Variants in FAT4 observed in about 807,000 individuals in gnomAD.
The protein encoded by FAT4 is protocadherin Fat 4.
Under a neutral mutation model 303.9 loss-of-function variants are expected in FAT4, and 84 were observed. That is an observed-to-expected ratio of 0.28 (90% CI 0.23 to 0.33). FAT4 has a LOEUF of 0.33. Among genes scored for constraint, FAT4 ranks in the 10% least tolerant of loss-of-function variants. FAT4 has a pLI of 1.00. For synonymous variants in FAT4, 2,307 were observed against 2,298.8 expected (o/e 1.00, Z -0.10); for missense variants, 6,005 against 6,146.8 (o/e 0.98, Z 0.77).
At chr4:125,447,808 C>G (rs1341911768) in intron 9 of FAT4, among the ~76,000 whole-genome samples, 1 of 152,004 alleles carries the variant, frequency 6.6e-6, no homozygotes, top group South Asian at 2.1e-4. Flanking sequence ...AGTCCATTAT[C>G]CCTCAATTCT....
intron 7 of FAT4, among the ~76,000 whole-genome samples, chr4:125,432,331 C>G (rs938396916): frequency 2.0e-5 from 3 of 152,212 alleles, no homozygotes; most frequent in African/African-American, 7.2e-5. Flanking sequence ...ACTTTCTAAA[C>G]TTGAGCTTAC....
At chr4:125,443,625 C>T (rs1725733342) in intron 8 of FAT4, among the ~76,000 whole-genome samples, 1 of 152,086 alleles carries the variant, frequency 6.6e-6, no homozygotes, top group Non-Finnish European at 1.5e-5. Flanking sequence ...TAAATAAGAG[C>T]ATATATAAAT....
chr4:125,326,441 G>C (rs1319603194), intron 2 of FAT4, among the ~76,000 whole-genome samples: 2 of 151,964 alleles, frequency 1.3e-5, no homozygotes, highest in South Asian at 4.2e-4. Flanking sequence ...ATAATGATAA[G>C]TGCATAGTGA....
At chr4:125,366,285 T>TG (rs764685098) in intron 2 of FAT4, among the ~76,000 whole-genome samples, 1 of 152,150 alleles carries the variant, frequency 6.6e-6, no homozygotes, top group Admixed American at 6.6e-5. Flanking sequence ...CAGTATGTGT[T>TG]GTTCCCTTCT....
chr4:125,368,518 A>G (rs1361551964), intron 2 of FAT4, among the ~76,000 whole-genome samples: 5 of 128,144 alleles, frequency 3.9e-5, no homozygotes, highest in South Asian at 2.3e-4. Flanking sequence ...TATATTATAT[A>G]TATGTATATA....
At chr4:125,366,997 T>G (rs1197632330) in intron 2 of FAT4, among the ~76,000 whole-genome samples, 1 of 152,132 alleles carries the variant, frequency 6.6e-6, no homozygotes, top group East Asian at 1.9e-4. Flanking sequence ...ATGCTGGATA[T>G]TAGACCTTTG....
intron 7 of FAT4, among the ~76,000 whole-genome samples, chr4:125,427,275 A>G (rs893443788): frequency 9.2e-5 from 14 of 151,944 alleles, no homozygotes; most frequent in Non-Finnish European, 2.1e-4. Flanking sequence ...GTGATTAAGT[A>G]TATTCACTTT....
At chr4:125,438,346 T>C (rs1185287945) in intron 8 of FAT4, among the ~76,000 whole-genome samples, 1 of 152,218 alleles carries the variant, frequency 6.6e-6, no homozygotes, top group Non-Finnish European at 1.5e-5. Flanking sequence ...TTGTGAATTA[T>C]GCTTGTAAAT....
At chr4:125,346,550 A>C (rs1411029403) in intron 2 of FAT4, among the ~76,000 whole-genome samples, 1 of 152,026 alleles carries the variant, frequency 6.6e-6, no homozygotes, top group African/African-American at 2.4e-5. Context: ...AGTAAAGAAA[A>C]AGTATATTCA....
Position 125,448,681 on chromosome 4 carries a change from T to A in FAT4, c.7671T>A (p.Thr2557=), listed in dbSNP as rs754562799. 5.0e-6 allele frequency: 8 copies of A among 1,613,982 alleles called. No individual in the cohort carries two copies. The highest frequency in any genetic ancestry group is 6.8e-6 in the Non-Finnish European group (8 of 1,179,910). Residue 2557 remains threonine, a synonymous_variant, in exon 10 of 18, where the codon ACT becomes ACA. Coordinates refer to ENST00000394329, the MANE Select transcript of FAT4 (RefSeq NM_001291303.3). The part of the protein sequence containing the change: ...SFPKTDSTTV[T]VRFVNKADFP... ...CAAAGACAGATTCTACAACAGTGAC[T>A]GTTAGATTCGTGAATAAGGCCGATT...
At chr4:125,366,958 A>T (rs939360132) in intron 2 of FAT4, among the ~76,000 whole-genome samples, 2 of 151,510 alleles carry the variant, frequency 1.3e-5, no homozygotes, top group Non-Finnish European at 1.5e-5. Context: ...TGTTATTTTT[A>T]TGTGTAAATG....
chr4:125,424,872 G>A (rs1266472932), intron 7 of FAT4, among the ~76,000 whole-genome samples: 9 of 152,128 alleles, frequency 5.9e-5, no homozygotes, highest in South Asian at 2.1e-4. Flanking sequence ...TGGTAGAATC[G>A]GAAGGATAGG....
chr4:125,319,431 A>G lies in FAT4; in HGVS notation c.3020A>G (p.Glu1007Gly). 6.2e-7 allele frequency: 1 copy of G among 1,613,832 alleles called. No homozygotes were observed. The highest frequency in any genetic ancestry group is 8.5e-7 in the Non-Finnish European group (1 of 1,179,884). Residue 1007 changes from glutamate to glycine, a missense_variant, in exon 2 of 18, where the codon GAG becomes GGG. Transcript: ENST00000394329. ...CTCTCTTATGAAGTCACCCTTTCTG[A>G]GTCAGAACCTGTGAATTCTCGATTC... is the stretch of plus-strand genomic sequence containing the variant. The part of the protein sequence containing the change: ...DQLSYEVTLS[E>G]SEPVNSRFFK...
At chr4:125,345,794 A>G (rs1328665067) in intron 2 of FAT4, among the ~76,000 whole-genome samples, 1 of 152,036 alleles carries the variant, frequency 6.6e-6, no homozygotes, top group East Asian at 1.9e-4. Flanking sequence ...TTAATCACAT[A>G]TATACATGTA....
At chr4:125,353,582 TAGAGTA>T (rs1732314768) in intron 2 of FAT4, among the ~76,000 whole-genome samples, 2 of 151,746 alleles carry the variant, frequency 1.3e-5, no homozygotes, top group Middle Eastern at 3.4e-3. Context: ...TACTTGTCAT[TAGAGTA>T]AAACAGTGCT....
intron 2 of FAT4, among the ~76,000 whole-genome samples, chr4:125,337,668 G>T (rs1265549703): frequency 6.6e-6 from 1 of 151,988 alleles, no homozygotes; most frequent in Admixed American, 6.5e-5. Context: ...AACACAGCCA[G>T]ATATAATTAT....
intron 2 of FAT4, among the ~76,000 whole-genome samples, chr4:125,383,020 T>C (rs2126000238): frequency 6.6e-6 from 1 of 152,340 alleles, no homozygotes. Context: ...TGTATTAGGC[T>C]TTGCTTTAAG....
At chr4:125,485,215 T>G (rs1393571573) in intron 16 of FAT4, among the ~76,000 whole-genome samples, 2 of 152,084 alleles carry the variant, frequency 1.3e-5, no homozygotes, top group East Asian at 1.9e-4. Flanking sequence ...TACATTAAAT[T>G]TATCAAAAAT....
chr4:125,360,571 A>T (rs1732614344), intron 2 of FAT4, among the ~76,000 whole-genome samples: 1 of 152,132 alleles, frequency 6.6e-6, no homozygotes, highest in South Asian at 2.1e-4. Context: ...ATGTCTAAGG[A>T]CCTGAGTAAA....
Sources: allele counts gnomAD v4.1 joint callset (sites outside exome capture counted in the v4.1 genomes callset), GRCh38; gene constraint gnomAD v4.1.1; transcripts MANE v1.5; gene names NCBI Gene and HGNC (gene_info 2026-07-23, HGNC 2026-07-21).